The following NCAM2 variants were observed in gnomAD, a reference collection of about 807,000 sequenced individuals.
The protein encoded by NCAM2 is neural cell adhesion molecule 2.
In NCAM2, 30 loss-of-function variants were observed where a neutral mutation model predicts 98.1. The observed-to-expected ratio is 0.31, with a 90% CI of 0.23 to 0.41. The LOEUF is 0.41. Ranked by LOEUF, NCAM2 falls within the 10% of genes least tolerant of loss-of-function variation. NCAM2 has a pLI of 1.00. For missense variants in NCAM2, 867 were observed against 1,005.8 expected (o/e 0.86, Z 1.87); for synonymous variants, 368 against 342.4 (o/e 1.07, Z -0.83).
intron 5 of NCAM2, among the ~76,000 whole-genome samples, chr21:21,319,283 A>G (rs1312199771): frequency 3.9e-5 from 6 of 152,248 alleles, no homozygotes; most frequent in Admixed American, 1.3e-4. Context: ...ATAGTATAAC[A>G]ACTATCTGAG....
At chr21:21,223,907 A>G (rs750829810) in intron 1 of NCAM2, among the ~76,000 whole-genome samples, 2 of 152,200 alleles carry the variant, frequency 1.3e-5, no homozygotes, top group Non-Finnish European at 2.9e-5. Flanking sequence ...AGCATTTGCT[A>G]TCATCACATT....
chr21:21,100,274 T>G (rs1003492615), intron 1 of NCAM2, among the ~76,000 whole-genome samples: 5 of 151,880 alleles, frequency 3.3e-5, no homozygotes. Flanking sequence ...TTAAAGAGAT[T>G]ATATCAAGAG....
At chr21:21,304,046 T>G (rs2073807862) in intron 5 of NCAM2, among the ~76,000 whole-genome samples, 1 of 152,232 alleles carries the variant, frequency 6.6e-6, no homozygotes, top group Non-Finnish European at 1.5e-5. Flanking sequence ...GAAATATTTT[T>G]ATCCAATCTG....
chr21:21,400,415 G>A (rs997484664), intron 9 of NCAM2, among the ~76,000 whole-genome samples: 1 of 152,006 alleles, frequency 6.6e-6, no homozygotes, highest in Non-Finnish European at 1.5e-5. Context: ...CTTGTTTGCA[G>A]TATTCCTTTT....
intron 1 of NCAM2, among the ~76,000 whole-genome samples, chr21:21,194,347 C>T (rs1290213208): frequency 6.6e-6 from 1 of 152,022 alleles, no homozygotes; most frequent in African/African-American, 2.4e-5. Context: ...TGAATGAAAC[C>T]ACATTTATAA....
intron 1 of NCAM2, among the ~76,000 whole-genome samples, chr21:21,232,217 A>G (rs964447282): frequency 3.3e-5 from 5 of 151,542 alleles, no homozygotes; most frequent in African/African-American, 1.2e-4. Flanking sequence ...TTTACCAGTT[A>G]TGCATGTTTG....
chr21:21,274,026 G>A (rs933370114), intron 1 of NCAM2, among the ~76,000 whole-genome samples: 3 of 138,824 alleles, frequency 2.2e-5, no homozygotes, highest in South Asian at 2.5e-4. Flanking sequence ...TTAGCCGGGC[G>A]TGGTGGCGCA....
At chr21:21,137,364 T>A (rs886678693) in intron 1 of NCAM2, among the ~76,000 whole-genome samples, 20 of 152,358 alleles carry the variant, frequency 1.3e-4, no homozygotes, top group African/African-American at 4.8e-4. Flanking sequence ...CATTTCACAA[T>A]ACAGCACACT....
intron 1 of NCAM2, among the ~76,000 whole-genome samples, chr21:21,227,455 C>T (rs2070433983): frequency 6.6e-6 from 1 of 151,666 alleles, no homozygotes; most frequent in African/African-American, 2.4e-5. Context: ...CCCCAAGGAT[C>T]TAAATAATAA....
chr21:21,041,119 CAAAG>C (rs984910983), intron 1 of NCAM2, among the ~76,000 whole-genome samples: 10 of 151,778 alleles, frequency 6.6e-5, no homozygotes, highest in Non-Finnish European at 8.8e-5. Flanking sequence ...AACAGAAACA[CAAAG>C]AAAAGAAAGA....
At chr21:21,276,493 G>A (rs2072733206) in intron 1 of NCAM2, among the ~76,000 whole-genome samples, 2 of 151,978 alleles carry the variant, frequency 1.3e-5, no homozygotes, top group African/African-American at 4.8e-5. Context: ...AATTTGTGAT[G>A]ATATTTATGG....
At chr21:21,101,300 A>G (rs1458997011) in intron 1 of NCAM2, among the ~76,000 whole-genome samples, 1 of 152,080 alleles carries the variant, frequency 6.6e-6, no homozygotes, top group Admixed American at 6.6e-5. Flanking sequence ...AAAATGTAAA[A>G]ATACAGCAAA....
Position 21,505,757 on chromosome 21 carries a change from A to G in NCAM2, c.2078-3094A>G, listed in dbSNP as rs76480849. ...TATCATTTTTATAATACTAAATATC[A>G]ATTTTATAATATTAAAATAATTATA... On this transcript the variant is annotated intron_variant, in intron 15 of 17. Transcript: ENST00000400546. Among the ~76,000 whole-genome samples the G allele has an allele frequency of 5.9e-4, 90 of 152,116 alleles. 1 individual carries two copies. The East Asian group carries it at 0.016, about 27-fold the overall frequency.
Position 21,073,514 on chromosome 21 carries a change from T to C in NCAM2, c.55+74896T>C, listed in dbSNP as rs138240420. On this transcript the variant is annotated intron_variant, in intron 1 of 17. Transcript: ENST00000400546. ...TGAAAATACATTGCATCCTGTGTTA[T>C]ATCTAATGTATTATGCCTCACTCAT... is the stretch of plus-strand genomic sequence containing the variant. Among the ~76,000 whole-genome samples, 486 of 152,342 alleles carry C rather than the reference T, an allele frequency of 3.2e-3. 2 individuals are homozygous for C. The highest frequency in any genetic ancestry group is 0.011 in the African/African-American group (472 of 41,578).
chr21:21,257,954 T>C (rs978551818), intron 1 of NCAM2, among the ~76,000 whole-genome samples: 2 of 152,216 alleles, frequency 1.3e-5, no homozygotes, highest in Non-Finnish European at 2.9e-5. Flanking sequence ...ATATGTAGGC[T>C]TGCAGTTATT....
chr21:21,249,661 C>T (rs1050131466), intron 1 of NCAM2, among the ~76,000 whole-genome samples: 1 of 145,878 alleles, frequency 6.9e-6, no homozygotes, highest in African/African-American at 2.6e-5. Flanking sequence ...AGACAATCAG[C>T]ACCCCCACAA....
chr21:21,299,113 C>G (rs142213426), intron 5 of NCAM2, among the ~76,000 whole-genome samples: 80 of 151,676 alleles, frequency 5.3e-4, no homozygotes, highest in African/African-American at 1.8e-3. Context: ...AAGTCACCAT[C>G]AAGATGCCAT....
At chr21:21,405,649 AG>A (rs1475490534) in intron 9 of NCAM2, among the ~76,000 whole-genome samples, 1 of 152,156 alleles carries the variant, frequency 6.6e-6, no homozygotes, top group Non-Finnish European at 1.5e-5. Context: ...GTTATGATCA[AG>A]GGCAAAAGTT....
At chr21:21,149,310 A>T (rs1291272141) in intron 1 of NCAM2, among the ~76,000 whole-genome samples, 1 of 152,190 alleles carries the variant, frequency 6.6e-6, no homozygotes, top group Non-Finnish European at 1.5e-5. Context: ...GATAATTGAT[A>T]TATTAGTAAT....
Sources: gnomAD v4.1 joint callset for allele counts (sites outside exome capture counted in the v4.1 genomes callset) on GRCh38, gnomAD v4.1.1 for gene constraint, MANE v1.5 for transcripts, NCBI Gene and HGNC (gene_info 2026-07-23, HGNC 2026-07-21) for gene names.